Variants in RBFOX1 observed in about 807,000 individuals in gnomAD.
RBFOX1 encodes RNA binding fox-1 homolog 1.
A neutral mutation model predicts 57.7 loss-of-function variants in RBFOX1; 8 were observed. That is an observed-to-expected ratio of 0.14 (90% CI 0.08 to 0.25). The LOEUF is 0.25. Ranked by LOEUF, RBFOX1 falls within the 10% of genes least tolerant of loss-of-function variation. The pLI is 1.00. For synonymous variants in RBFOX1, 326 were observed against 222.4 expected (o/e 1.47, Z -4.15); for missense variants, 611 against 548.5 (o/e 1.11, Z -1.14).
At chr16:6,988,504 T>C (rs1379922075) in intron 3 of RBFOX1, among the ~76,000 whole-genome samples, 1 of 152,078 alleles carries the variant, frequency 6.6e-6, no homozygotes, top group Non-Finnish European at 1.5e-5. Context: ...AAATATATTT[T>C]TAAAATTAGT....
intron 1 of RBFOX1, among the ~76,000 whole-genome samples, chr16:5,346,815 G>C (rs1346543356): frequency 6.6e-6 from 1 of 152,146 alleles, no homozygotes; most frequent in East Asian, 1.9e-4. Flanking sequence ...CAGTCTTTGT[G>C]CTCTTCAGTG....
At chr16:6,271,089 GA>G (rs2075154678) in intron 1 of RBFOX1, among the ~76,000 whole-genome samples, 1 of 152,078 alleles carries the variant, frequency 6.6e-6, no homozygotes, top group African/African-American at 2.4e-5. Flanking sequence ...TAGAGAAGAG[GA>G]AAAGCTTCAA....
intron 4 of RBFOX1, among the ~76,000 whole-genome samples, chr16:7,459,101 A>G (rs1033728759): frequency 6.6e-6 from 1 of 152,140 alleles, no homozygotes; most frequent in Non-Finnish European, 1.5e-5. Flanking sequence ...TGATGGGCAG[A>G]TGAATGGATG....
chr16:6,919,070 C>T lies in RBFOX1; in HGVS notation c.-15-132987C>T, dbSNP rs190330049. 2.2e-3 allele frequency among the ~76,000 whole-genome samples: 333 copies of T among 152,272 alleles called. 2 individuals are homozygous for T. Among genetic ancestry groups the T allele is most frequent in the African/African-American group, 7.6e-3 (314 of 41,550 alleles). On this transcript the variant is annotated intron_variant, in intron 3 of 15. Coordinates refer to ENST00000550418, the MANE Select transcript of RBFOX1 (RefSeq NM_018723.4). ...ATCTCAGCTCACTGCAACCTCCGTT[C>T]TTGGGTTTAAGCCATTCTCCTGTCT...
chr16:7,168,688 C>A (rs80078920), intron 4 of RBFOX1, among the ~76,000 whole-genome samples: 1 of 152,134 alleles, frequency 6.6e-6, no homozygotes, highest in Non-Finnish European at 1.5e-5. Flanking sequence ...TCCTTTCCTT[C>A]CTGTTACAAA....
intron 1 of RBFOX1, among the ~76,000 whole-genome samples, chr16:6,293,804 A>G (rs1330350065): frequency 1.3e-5 from 2 of 152,038 alleles, no homozygotes; most frequent in East Asian, 1.9e-4. Context: ...TTCCAGTCCA[A>G]GGAAGTGGGA....
intron 4 of RBFOX1, among the ~76,000 whole-genome samples, chr16:7,065,120 A>T (rs866199908): frequency 6.6e-6 from 1 of 152,212 alleles, no homozygotes; most frequent in African/African-American, 2.4e-5. Flanking sequence ...CTGTGAGACC[A>T]ATTCTGTATG....
At chr16:5,348,773 T>A (rs1311913493) in intron 1 of RBFOX1, among the ~76,000 whole-genome samples, 2 of 152,244 alleles carry the variant, frequency 1.3e-5, no homozygotes, top group Non-Finnish European at 1.5e-5. Flanking sequence ...CTATACCTGA[T>A]GCTGTATTGA....
intron 1 of RBFOX1, among the ~76,000 whole-genome samples, chr16:6,077,991 T>C (rs7202198): frequency 0.034 from 5,222 of 152,220 alleles, 258 homozygotes; most frequent in African/African-American, 0.096. Context: ...GAACTTTAAT[T>C]CCCGGGTAGA....
At chr16:6,633,288 T>A (rs553165906) in intron 2 of RBFOX1, among the ~76,000 whole-genome samples, 3 of 152,022 alleles carry the variant, frequency 2.0e-5, no homozygotes, top group Non-Finnish European at 4.4e-5. Context: ...TTTATTTTAT[T>A]TTTTTTGAGA....
chr16:6,860,754 A>C (rs1315546342), intron 3 of RBFOX1, among the ~76,000 whole-genome samples: 1 of 152,226 alleles, frequency 6.6e-6, no homozygotes, highest in Admixed American at 6.5e-5. Flanking sequence ...ATAAATCTGA[A>C]AACCATAATG....
At chr16:7,681,235 G>A (rs2074652853) in intron 14 of RBFOX1, among the ~76,000 whole-genome samples, 1 of 152,112 alleles carries the variant, frequency 6.6e-6, no homozygotes, top group Admixed American at 6.6e-5. Flanking sequence ...TGAAGGATGG[G>A]TAGATGGATA....
At position 6,517,777 on chromosome 16, in the gene RBFOX1, C is replaced by T. The variant is rs186918656; in HGVS notation, c.-63-136826C>T. Among the ~76,000 whole-genome samples the T allele has an allele frequency of 1.1e-3, 163 of 152,250 alleles. No homozygotes were observed. The East Asian group carries it at 0.026, about 24-fold the overall frequency. ...ACATCCCTTCATGGCCAAGATTTTTCCAAGTTGTAAAATATTTTTGCTTTT... is the reference window on the plus strand; with the variant it reads ...ACATCCCTTCATGGCCAAGATTTTTTCAAGTTGTAAAATATTTTTGCTTTT... On this transcript the variant is annotated intron_variant, in intron 2 of 15. Transcript: ENST00000550418.
At chr16:7,706,662 G>A (rs946818166) in intron 14 of RBFOX1, among the ~76,000 whole-genome samples, 4 of 152,076 alleles carry the variant, frequency 2.6e-5, no homozygotes, top group Admixed American at 2.0e-4. Flanking sequence ...AAACTCTCAA[G>A]GATTTCAGTT....
intron 2 of RBFOX1, among the ~76,000 whole-genome samples, chr16:5,501,948 C>T (rs1478532847): frequency 1.3e-5 from 2 of 151,898 alleles, no homozygotes; most frequent in East Asian, 3.9e-4. Flanking sequence ...GTCTCGAACT[C>T]CTGGCCTCAA....
intron 3 of RBFOX1, among the ~76,000 whole-genome samples, chr16:6,669,292 A>C (rs1383635774): frequency 6.6e-6 from 1 of 152,104 alleles, no homozygotes; most frequent in Non-Finnish European, 1.5e-5. Flanking sequence ...ACATGAACAC[A>C]CTCACCCAAT....
In RBFOX1 at chr16:5,998,833, G is replaced by A. The variant is rs184243877; in HGVS notation, c.351+131498G>A. Among the ~76,000 whole-genome samples, 262 of 152,236 alleles carry A rather than the reference G, an allele frequency of 1.7e-3. 3 individuals carry two copies. Among genetic ancestry groups the A allele is most frequent in the East Asian group, 5.8e-4 (3 of 5,182 alleles). On this transcript the variant is annotated intron_variant, in intron 4 of 19. Transcript: ENST00000641259. ...GATGTTACTACGTATATAAATTCAC[G>A]TGTCATATTGCAGTCAGATTTTAAT...
At chr16:6,772,714 ATG>A (rs2078531315) in intron 3 of RBFOX1, among the ~76,000 whole-genome samples, 2 of 121,914 alleles carry the variant, frequency 1.6e-5, no homozygotes, top group Non-Finnish European at 3.4e-5. Context: ...ATGCATTTGT[ATG>A]TGTGTGATTG....
chr16:5,945,502 C>G (rs756015751), intron 4 of RBFOX1, among the ~76,000 whole-genome samples: 16 of 152,190 alleles, frequency 1.1e-4, no homozygotes, highest in Admixed American at 2.0e-4. Flanking sequence ...GATTGAAAGC[C>G]TTGTCTGACT....
Sources: allele counts gnomAD v4.1 joint callset (sites outside exome capture counted in the v4.1 genomes callset), GRCh38; gene constraint gnomAD v4.1.1; transcripts MANE v1.5; gene names NCBI Gene and HGNC (gene_info 2026-07-23, HGNC 2026-07-21).